Variants in LZTFL1 observed in about 807,000 individuals in gnomAD.
LZTFL1 encodes the protein leucine zipper transcription factor like 1, also known as leucine zipper transcription factor-like protein 1.
In LZTFL1, 25 loss-of-function variants were observed where a neutral mutation model predicts 45.9. The ratio of observed to expected loss-of-function variants is 0.54; its 90% CI spans 0.40 to 0.76. LZTFL1 has a LOEUF of 0.76. Among genes scored for constraint, LZTFL1 ranks in the 30% least tolerant of loss-of-function variants. The pLI is 0.00. For synonymous variants in LZTFL1, 93 were observed against 117.4 expected, an observed-to-expected ratio of 0.79 and a Z score of 1.35; for missense variants, 277 against 331.1, an observed-to-expected ratio of 0.84 and a Z score of 1.27.
intron 9 of LZTFL1, among the ~76,000 whole-genome samples, chr3:45,826,860 C>T (rs796448371): frequency 6.6e-6 from 1 of 152,268 alleles, no homozygotes; most frequent in East Asian, 1.9e-4. Flanking sequence ...CTGGACATAC[C>T]CTTAACTGGG....
intron 2 of LZTFL1, among the ~76,000 whole-genome samples, chr3:45,865,558 G>C (rs576524324): frequency 6.6e-6 from 1 of 152,318 alleles, no homozygotes; most frequent in South Asian, 2.1e-4. Flanking sequence ...ACTAGGAAAG[G>C]GATGGAATAA....
intron 2 of LZTFL1, among the ~76,000 whole-genome samples, chr3:45,890,915 G>A (rs71325091): frequency 0.089 from 13,480 of 152,228 alleles, 1,037 homozygotes; most frequent in South Asian, 0.36. Context: ...TTCATAATCC[G>A]TTAGGTGGGA....
intron 2 of LZTFL1, among the ~76,000 whole-genome samples, chr3:45,860,363 T>C (rs963200164): frequency 6.6e-6 from 1 of 152,050 alleles, no homozygotes; most frequent in African/African-American, 2.4e-5. Context: ...TGTGTGTGTG[T>C]ATATGTGTGT....
At chr3:45,892,556 C>T (rs1456952928) in intron 2 of LZTFL1, among the ~76,000 whole-genome samples, 1 of 151,890 alleles carries the variant, frequency 6.6e-6, no homozygotes, top group Non-Finnish European at 1.5e-5. Flanking sequence ...CTGGGACCCC[C>T]TTGAGGATGG....
At chr3:45,882,633 T>C (rs964820260) in intron 2 of LZTFL1, among the ~76,000 whole-genome samples, 1 of 152,136 alleles carries the variant, frequency 6.6e-6, no homozygotes, top group Non-Finnish European at 1.5e-5. Context: ...TATATTGTAA[T>C]GAACAGACTC....
At position 45,868,132 on chromosome 3, in the gene LZTFL1, C is replaced by A. The variant is rs894387108; in HGVS notation, c.-214-9116G>T. Among the ~76,000 whole-genome samples the A allele has an allele frequency of 7.6e-4, 112 of 148,140 alleles. 1 individual carries two copies. The highest frequency in any genetic ancestry group is 2.6e-3 in the African/African-American group (107 of 41,088). On this transcript the variant is annotated intron_variant, in intron 2 of 4. Coordinates refer to the LZTFL1 transcript ENST00000472635. Reference sequence around the variant, plus strand: ...GCACATGTATACATATGTAACAAACCTGCACGTTGTGCACATGTACCCTAG... The same window carrying A: ...GCACATGTATACATATGTAACAAACATGCACGTTGTGCACATGTACCCTAG...
At chr3:45,887,882 T>C (rs1559420305) in intron 2 of LZTFL1, among the ~76,000 whole-genome samples, 1 of 151,180 alleles carries the variant, frequency 6.6e-6, no homozygotes, top group African/African-American at 2.4e-5. Context: ...AAAGCAGAGC[T>C]ATGAAAAAAT....
At chr3:45,882,305 C>G (rs1701875140) in intron 2 of LZTFL1, among the ~76,000 whole-genome samples, 1 of 152,194 alleles carries the variant, frequency 6.6e-6, no homozygotes, top group Non-Finnish European at 1.5e-5. Context: ...TTTACCTGCA[C>G]TGATCATAAT....
chr3:45,829,842 A>G (rs777304761), intron 7 of LZTFL1, among the ~76,000 whole-genome samples: 9 of 152,258 alleles, frequency 5.9e-5, no homozygotes, highest in Non-Finnish European at 1.0e-4. Flanking sequence ...AGGAGAAATT[A>G]TAAAGCGGTT....
intron 3 of LZTFL1, 115 bp downstream of exon 3, chr3:45,835,475 A>G: frequency 1.1e-6 from 1 of 922,608 alleles, no homozygotes. Context: ...CTGTTACCCT[A>G]CCCAAATTTC....
chr3:45,864,311 G>A (rs1212491809), intron 2 of LZTFL1, among the ~76,000 whole-genome samples: 3 of 152,138 alleles, frequency 2.0e-5, no homozygotes, highest in Non-Finnish European at 4.4e-5. Context: ...ATTTTAATAC[G>A]TGATACCTGA....
At chr3:45,913,711 C>T (rs778903498) in intron 1 of LZTFL1, among the ~76,000 whole-genome samples, 31 of 152,092 alleles carry the variant, frequency 2.0e-4, no homozygotes, top group Non-Finnish European at 4.4e-4. Flanking sequence ...GGTAAAGATG[C>T]CATTTTTTCC....
chr3:45,900,726 G>C lies in LZTFL1; in HGVS notation c.-215+12394C>G, dbSNP rs1266736165. ...TATCATAGGTGTTTGGGGTTGGAAG[G>C]GTCAAGAGGTCCATGCCTCTGCCAT... On this transcript the variant is annotated intron_variant, in intron 2 of 4. Coordinates refer to the LZTFL1 transcript ENST00000472635. This position sits in a 1 kb window ranked among gnomAD's most constrained non-coding sequence, Gnocchi z 4.7. 18 of 1,410,678 alleles carry C rather than the reference G, an allele frequency of 1.3e-5. No homozygotes were observed. Among genetic ancestry groups the C allele is most frequent in the Admixed American group, 6.1e-5 (3 of 49,300 alleles). The allele number at this position is 1,410,678 out of a possible 1,614,324, so 87.4% of individuals were successfully genotyped here. A position where few individuals can be genotyped will look rare whatever the true frequency, so the allele number is the denominator to read the frequency against.
intron 2 of LZTFL1, among the ~76,000 whole-genome samples, chr3:45,899,380 G>C (rs1702472580): frequency 6.6e-6 from 1 of 152,206 alleles, no homozygotes; most frequent in Admixed American, 6.5e-5. Context: ...GGAGAGCCCA[G>C]CTAACAGGAG....
At chr3:45,893,275 C>T (rs1315316036) in intron 2 of LZTFL1, among the ~76,000 whole-genome samples, 1 of 152,138 alleles carries the variant, frequency 6.6e-6, no homozygotes, top group Non-Finnish European at 1.5e-5. Context: ...CTGCCTCAGC[C>T]TCCTGAGTAG....
At chr3:45,885,354 G>A (rs1046015962) in intron 2 of LZTFL1, among the ~76,000 whole-genome samples, 2 of 152,224 alleles carry the variant, frequency 1.3e-5, no homozygotes, top group African/African-American at 2.4e-5. Flanking sequence ...CACTGTAGCA[G>A]TGGATGGGAA....
chr3:45,844,462 A>T (rs1701187231), upstream of LZTFL1, among the ~76,000 whole-genome samples: 1 of 152,238 alleles, frequency 6.6e-6, no homozygotes, highest in South Asian at 2.1e-4. Flanking sequence ...GTAAAAAAAA[A>T]ATAGGTGATA....
intron 4 of LZTFL1, among the ~76,000 whole-genome samples, chr3:45,851,295 C>T (rs1049277549): frequency 4.0e-5 from 6 of 149,676 alleles, no homozygotes; most frequent in Non-Finnish European, 8.9e-5. Context: ...GGCATGATCT[C>T]GGCTCACTGC....
chr3:45,889,722 T>C (rs1325134407), intron 2 of LZTFL1, among the ~76,000 whole-genome samples: 4 of 151,974 alleles, frequency 2.6e-5, no homozygotes, highest in Admixed American at 2.6e-4. Flanking sequence ...ACATAAGTCT[T>C]CCTACATGTT....
Sources: allele counts gnomAD v4.1 joint callset (sites outside exome capture counted in the v4.1 genomes callset), GRCh38; gene constraint gnomAD v4.1.1; non-coding constraint Gnocchi (gnomAD v3.1); transcripts MANE v1.5; gene names NCBI Gene and HGNC (gene_info 2026-07-23, HGNC 2026-07-21).